CAND2: variants seen among roughly 807,000 people sequenced by gnomAD.
CAND2 encodes the protein cullin-associated NEDD8-dissociated protein 2.
A neutral mutation model predicts 98.9 loss-of-function variants in CAND2; 62 were observed. That is an observed-to-expected ratio of 0.63 (90% CI 0.51 to 0.77). CAND2 has a LOEUF of 0.77. Ranked by LOEUF, CAND2 falls within the 30% of genes least tolerant of loss-of-function variation. The pLI, the probability that CAND2 is intolerant of heterozygous loss-of-function variation, is 0.00. For missense variants in CAND2, 1,501 were observed against 1,655.2 expected (o/e 0.91, Z 1.62); for synonymous variants, 770 against 731.9 (o/e 1.05, Z -0.84).
Position 12,815,871 on chromosome 3 carries a change from C to A in CAND2, c.1304C>A (p.Pro435His), listed in dbSNP as rs1265489683. 1.2e-6 allele frequency: 2 copies of A among 1,613,096 alleles called. No individual in the cohort carries two copies. Among genetic ancestry groups the A allele is most frequent in the Admixed American group, 3.3e-5 (2 of 59,970 alleles). ...SNLHMLRGQVPLVVKALQRQL... is the reference protein window; with the variant it reads ...SNLHMLRGQVHLVVKALQRQL... The stretch of plus-strand genomic sequence containing the variant: ...ACTTCCCCCTCCTGCCCACAGGTGC[C>A]CCTTGTGGTCAAGGCCCTGCAGCGG... Residue 435 changes from proline to histidine, a missense_variant, in exon 9 of 15, where the codon CCC becomes CAC. This residue lies in a region of CAND2 where 1,427 missense variants were observed against 1,545.3 expected (regional missense o/e 0.92). Transcript: ENST00000456430. This position sits in a 1 kb window ranked among gnomAD's most constrained non-coding sequence, Gnocchi z 5.7.
intron 12 of CAND2, among the ~76,000 whole-genome samples, chr3:12,826,681 G>A (rs930915725): frequency 6.6e-6 from 1 of 152,058 alleles, no homozygotes; most frequent in Non-Finnish European, 1.5e-5. Context: ...CAAAGTGCTG[G>A]GAGGACAGCC....
At chr3:12,823,696 C>G (rs2061977086) in intron 11 of CAND2, among the ~76,000 whole-genome samples, 1 of 151,718 alleles carries the variant, frequency 6.6e-6, no homozygotes, top group Non-Finnish European at 1.5e-5. Context: ...CGCCACTGCA[C>G]TCCAGTCTGG....
At chr3:12,808,477 T>C in intron 4 of CAND2, 144 bp downstream of exon 4, 1 of 934,430 alleles carries the variant, frequency 1.1e-6, no homozygotes, top group Non-Finnish European at 1.6e-6. Flanking sequence ...AAAGGAGAAC[T>C]CAATTGTCAC....
At position 12,820,118 on chromosome 3, in the gene CAND2, G is replaced by A. The variant is rs1321634033; in HGVS notation, c.2977G>A (p.Ala993Thr). The A allele has an allele frequency of 1.9e-6, 3 of 1,614,188 alleles. No individual in the cohort carries two copies. Among genetic ancestry groups the A allele is most frequent in the Non-Finnish European group, 2.5e-6 (3 of 1,180,038 alleles). The change falls in exon 11 of 15, where the codon GCG becomes ACG. Residue 993 changes from alanine to threonine, a missense_variant. Ala to Thr is a moderately conservative substitution (Grantham distance 58, BLOSUM62 0). Coordinates refer to ENST00000456430, the MANE Select transcript of CAND2 (RefSeq NM_001162499.2). ...ACACACCCGGAGCACCGTCATCACA[G>A]CGGTCAAGTTCCTTATCTCGGACCA... ...RPHTRSTVIT[A>T]VKFLISDQPH...
chr3:12,803,715 A>T, intron 2 of CAND2, 84 bp downstream of exon 2: 1 of 1,309,334 alleles, frequency 7.6e-7, no homozygotes, highest in South Asian at 1.6e-5. Context: ...TTTGGGGTAC[A>T]GCCTCGCAGA....
At position 12,817,112 on chromosome 3, in the gene CAND2, C is replaced by T. The variant is rs2124855702; in HGVS notation, c.2180C>T (p.Ala727Val). The change falls in exon 10 of 15, where the codon GCC becomes GTC. Residue 727 changes from alanine to valine, a missense_variant. Transcript: ENST00000456430. ...GCCACAGTGACCCAGGCCCAGCCAG[C>T]CTCTTTGGTGGAGGTCAGTGGCCCT... Reference protein sequence around the residue: ...FLATVTQAQPASLVEVSGPVL... With the variant: ...FLATVTQAQPVSLVEVSGPVL... 1 of 1,613,038 alleles carries T rather than the reference C, an allele frequency of 6.2e-7. No individual in the cohort carries two copies. The highest frequency in any genetic ancestry group is 2.2e-5 in the East Asian group (1 of 44,880).
rs575152335 is a variant in CAND2, at chr3:12,798,707, A to T, written c.68+1919A>T. 9.4e-4 allele frequency among the ~76,000 whole-genome samples: 143 copies of T among 152,292 alleles called. 1 individual carries two copies. The highest frequency in any genetic ancestry group is 3.2e-3 in the African/African-American group (135 of 41,570). ...TTGGCCCTGCCAGCTACAGCCCGAG[A>T]AGCCCTTTCAGCCTGTCTCTGCCAG... is the stretch of plus-strand genomic sequence containing the variant. On this transcript the variant is annotated intron_variant, in intron 1 of 14. Coordinates refer to ENST00000456430, the MANE Select transcript of CAND2 (RefSeq NM_001162499.2).
At chr3:12,828,275 G>A (rs572418446) in intron 13 of CAND2, among the ~76,000 whole-genome samples, 2 of 150,512 alleles carry the variant, frequency 1.3e-5, no homozygotes, top group South Asian at 2.1e-4. Flanking sequence ...TCATTTAATT[G>A]TGGCGAAATA....
In CAND2 at chr3:12,816,701, G is replaced by A. The variant is rs778444982; in HGVS notation, c.1769G>A (p.Arg590Gln). ...GACCTGGACCAGGAGGTGAAGGAGC[G>A]GGCCATTTCCTGCATGGGCCACCTT... ...ATDLDQEVKE[R>Q]AISCMGHLVG... The change falls in exon 10 of 15, where the codon CGG (arginine) becomes CAG (glutamine). Residue 590 changes from arginine to glutamine, a missense_variant. By Grantham distance (43) the Arg-to-Gln change is conservative. Around this residue, in one of 3 missense-constraint regions of CAND2, gnomAD observed 1,427 missense variants for 1,545.3 expected, o/e 0.92. Coordinates refer to ENST00000456430, the MANE Select transcript of CAND2 (RefSeq NM_001162499.2). The A allele has an allele frequency of 1.2e-5, 20 of 1,613,526 alleles. No homozygotes were observed. Among genetic ancestry groups the A allele is most frequent in the Admixed American group, 1.7e-5 (1 of 60,002 alleles).
intron 4 of CAND2, among the ~76,000 whole-genome samples, chr3:12,808,659 TA>T (rs2061825937): frequency 6.6e-6 from 1 of 151,988 alleles, no homozygotes; most frequent in Non-Finnish European, 1.5e-5. Flanking sequence ...GTGAATGGAG[TA>T]AGCACAACAG....
At chr3:12,796,809 C>T (rs754852966) in intron 1 of CAND2, 21 bp downstream of exon 1, 1 of 1,559,720 alleles carries the variant, frequency 6.4e-7, no homozygotes, top group Non-Finnish European at 8.7e-7. Flanking sequence ...CCGCCGGCCC[C>T]CTTCTCTCCT....
intron 12 of CAND2, 77 bp downstream of exon 12, chr3:12,825,716 A>T: frequency 3.5e-6 from 5 of 1,442,024 alleles, no homozygotes; most frequent in African/African-American, 1.4e-5. Flanking sequence ...GGGCATTATT[A>T]TCTCATCAGA....
In CAND2 at chr3:12,817,346, C is replaced by T; in HGVS notation, c.2414C>T (p.Ala805Val). Residue 805 changes from alanine (A) to valine (V), a missense_variant, in exon 10 of 15, where the codon GCC becomes GTC. Ala to Val is a moderately conservative substitution (Grantham distance 64). This residue lies in a region of CAND2 where 1,427 missense variants were observed against 1,545.3 expected (regional missense o/e 0.92). Coordinates refer to ENST00000456430, the MANE Select transcript of CAND2 (RefSeq NM_001162499.2). ...GLHKQVFHSLARCVAALSAAC... is the reference protein window; with the variant it reads ...GLHKQVFHSLVRCVAALSAAC... ...CACAAGCAGGTGTTCCACTCATTGG[C>T]CCGGTGTGTGGCAGCCCTCTCAGCT... 1.2e-6 allele frequency: 2 copies of T among 1,613,908 alleles called. No homozygotes were observed. Among genetic ancestry groups the T allele is most frequent in the Non-Finnish European group, 1.7e-6 (2 of 1,180,030 alleles).
chr3:12,821,271 G>T (rs2061955319), intron 11 of CAND2, among the ~76,000 whole-genome samples: 1 of 151,742 alleles, frequency 6.6e-6, no homozygotes, highest in South Asian at 2.1e-4. Context: ...ATGGTGGTGG[G>T]CACCTGTAAT....
Position 12,833,731 on chromosome 3 carries a change from T to G in CAND2, c.3484-24T>G, listed in dbSNP as rs752053719. On this transcript the variant is annotated intron_variant, in intron 14 of 14. Coordinates refer to ENST00000456430, the MANE Select transcript of CAND2 (RefSeq NM_001162499.2). The stretch of plus-strand genomic sequence containing the variant: ...TGGGCCAGGCTCAATAAAGGATGGC[T>G]GCTTCTGCTGTTTCCTACTTTAGGT... 1.0e-5 allele frequency: 16 copies of G among 1,597,220 alleles called. No individual in the cohort carries two copies. In the Admixed American group the frequency reaches 2.7e-4, roughly 27 times the overall value.
intron 10 of CAND2, 116 bp downstream of exon 10, chr3:12,817,992 G>A (rs1282731983): frequency 6.2e-6 from 6 of 969,772 alleles, no homozygotes; most frequent in South Asian, 2.1e-5. Context: ...CAAGAATCAC[G>A]GTATCTATAC....
At chr3:12,823,729 C>CA (rs56314808) in intron 11 of CAND2, among the ~76,000 whole-genome samples, 18 of 146,520 alleles carry the variant, frequency 1.2e-4, no homozygotes, top group South Asian at 2.2e-4. Flanking sequence ...GACTCCATCT[C>CA]AAAAAAAAAA....
chr3:12,808,838 G>A (rs776525134), intron 4 of CAND2, among the ~76,000 whole-genome samples: 25 of 152,288 alleles, frequency 1.6e-4, no homozygotes, highest in Non-Finnish European at 2.6e-4. Context: ...ACTGTCCCCA[G>A]TCCAGAAGGC....
intron 13 of CAND2, 77 bp from the exon 14 acceptor site, chr3:12,831,388 T>G (rs1214365401): frequency 1.0e-5 from 12 of 1,177,868 alleles, no homozygotes; most frequent in Non-Finnish European, 1.5e-5. Flanking sequence ...TTGTGGGGCC[T>G]CTGCTCTTTC....
Sources: gnomAD v4.1 joint callset for allele counts (sites outside exome capture counted in the v4.1 genomes callset) on GRCh38, gnomAD v4.1.1 for gene constraint, gnomAD v4.1.1 regional missense constraint, Gnocchi (gnomAD v3.1) non-coding constraint, MANE v1.5 for transcripts, NCBI Gene and HGNC (gene_info 2026-07-23, HGNC 2026-07-21) for gene names.